Variants in ABLIM3 observed in about 807,000 individuals in gnomAD.
ABLIM3 encodes the protein actin-binding LIM protein 3.
Under a neutral mutation model 109.5 loss-of-function variants are expected in ABLIM3, and 61 were observed. The observed-to-expected ratio is 0.56, with a 90% confidence interval of 0.45 to 0.69. The LOEUF (loss-of-function observed/expected upper bound fraction) is 0.69, where lower values mean the gene tolerates loss of function less well. Ranked by LOEUF, ABLIM3 falls within the 30% of genes least tolerant of loss-of-function variation. ABLIM3 has a pLI of 0.00. For synonymous variants in ABLIM3, 300 were observed against 324.8 expected, an observed-to-expected ratio of 0.92 and a Z score of 0.82; for missense variants, 796 against 889.5, an observed-to-expected ratio of 0.89 and a Z score of 1.34.
At chr5:149,165,338 A>C (rs921401342) in intron 2 of ABLIM3, among the ~76,000 whole-genome samples, 4 of 152,176 alleles carry the variant, frequency 2.6e-5, no homozygotes, top group African/African-American at 9.7e-5. Context: ...TTTGTATATA[A>C]ATTTTTATTG....
chr5:149,246,422 C>G, intron 16 of ABLIM3, 60 bp from the exon 17 acceptor site: 1 of 1,529,802 alleles, frequency 6.5e-7, no homozygotes, highest in South Asian at 1.2e-5. Context: ...AAAAAAAATG[C>G]CTTAAGCCAG....
In ABLIM3 at chr5:149,216,977, C is replaced by A. The variant is rs770667119; in HGVS notation, c.688C>A (p.His230Asn). 4 of 1,614,168 alleles carry A rather than the reference C, an allele frequency of 2.5e-6. No homozygotes were observed. Among genetic ancestry groups the A allele is most frequent in the Non-Finnish European group, 8.5e-7 (1 of 1,180,016 alleles). ...TCCATAGGCAGGAGGGAAGCACTACCACCCAACCTGTGCCAGGTGTGTACG... is the reference window on the plus strand; with the variant it reads ...TCCATAGGCAGGAGGGAAGCACTACAACCCAACCTGTGCCAGGTGTGTACG... The part of the protein sequence containing the change: ...RVLEAGGKHY[H>N]PTCARCVRCH... The change falls in exon 8 of 24, where the codon CAC (histidine) becomes AAC (asparagine). Residue 230 changes from histidine (H) to asparagine (N), a missense_variant. Coordinates refer to ENST00000309868, the MANE Select transcript of ABLIM3 (RefSeq NM_014945.5).
At chr5:149,168,065 A>C (rs1754988165) in intron 2 of ABLIM3, among the ~76,000 whole-genome samples, 1 of 152,204 alleles carries the variant, frequency 6.6e-6, no homozygotes, top group Non-Finnish European at 1.5e-5. Flanking sequence ...GCACACATAC[A>C]CACACACCAT....
chr5:149,250,523 A>C lies in ABLIM3; in HGVS notation c.1788+18A>C, dbSNP rs1433148021. On this transcript the variant is annotated intron_variant, in intron 20 of 23. Transcript: ENST00000309868. ...TGCACAGGGTAAGAAGCTGTGCTGG[A>C]GGATGGGGGAGGACGTTGTCCCCAA... 1 of 1,614,018 alleles carries C rather than the reference A, an allele frequency of 6.2e-7. No individual in the cohort carries two copies. Among genetic ancestry groups the C allele is most frequent in the South Asian group, 1.1e-5 (1 of 91,076 alleles).
At chr5:149,226,517 C>T (rs756493671) in intron 8 of ABLIM3, among the ~76,000 whole-genome samples, 5 of 152,004 alleles carry the variant, frequency 3.3e-5, no homozygotes, top group South Asian at 4.1e-4. Flanking sequence ...GGAAACCTGC[C>T]GTAAGAGAAT....
intron 3 of ABLIM3, among the ~76,000 whole-genome samples, chr5:149,186,285 G>A (rs1190008219): frequency 1.3e-5 from 2 of 152,010 alleles, no homozygotes; most frequent in African/African-American, 2.4e-5. Context: ...GTGGTGGCAG[G>A]TGCCTGTAGT....
At chr5:149,245,291 G>A (rs1052854381) in intron 16 of ABLIM3, among the ~76,000 whole-genome samples, 1 of 152,218 alleles carries the variant, frequency 6.6e-6, no homozygotes, top group South Asian at 2.1e-4. Flanking sequence ...GAAGGTAGGA[G>A]AGCTGATGGC....
At chr5:149,153,123 T>C (rs1037699657) in intron 2 of ABLIM3, among the ~76,000 whole-genome samples, 2 of 152,180 alleles carry the variant, frequency 1.3e-5, no homozygotes, top group Non-Finnish European at 2.9e-5. Context: ...GTCATCTTTC[T>C]GATCATCTGC....
Position 149,183,514 on chromosome 5 carries a change from T to C in ABLIM3, c.76T>C (p.Cys26Arg). 6.2e-7 allele frequency: 1 copy of C among 1,601,206 alleles called. No individual in the cohort carries two copies. The highest frequency in any genetic ancestry group is 8.5e-7 in the Non-Finnish European group (1 of 1,174,290). The part of the protein sequence containing the change: ...GSSNVIQCYR[C>R]GDTCKGEVVR... ...CTCCAATGTCATCCAGTGCTACCGC[T>C]GTGGAGACACCTGCAAAGGGGAAGT... The change falls in exon 3 of 24, where the codon TGT (cysteine) becomes CGT (arginine). Residue 26 changes from cysteine (C) to arginine (R), a missense_variant. Physicochemically the swap from Cys to Arg is radical, Grantham distance 180 (BLOSUM62 -3). Transcript: ENST00000309868.
chr5:149,240,510 G>A (rs1270019418), intron 13 of ABLIM3, 166 bp from the exon 14 acceptor site: 2 of 619,638 alleles, frequency 3.2e-6, no homozygotes, highest in East Asian at 2.7e-5. Flanking sequence ...CGTGGTGCAT[G>A]AGAGCACATG....
intron 5 of ABLIM3, among the ~76,000 whole-genome samples, chr5:149,205,760 C>G (rs546144999): frequency 1.0e-3 from 155 of 152,252 alleles, no homozygotes; most frequent in Non-Finnish European, 1.8e-3. Flanking sequence ...CTTTCTGCCC[C>G]CAACTTGTAC....
At chr5:149,149,051 A>G (rs1368810144) in intron 2 of ABLIM3, among the ~76,000 whole-genome samples, 1 of 152,242 alleles carries the variant, frequency 6.6e-6, no homozygotes, top group African/African-American at 2.4e-5. Context: ...ACTTTTTTAG[A>G]GTAGACTTTG....
intron 8 of ABLIM3, 90 bp from the exon 9 acceptor site, chr5:149,230,559 G>A (rs17722862): frequency 8.5e-6 from 12 of 1,406,510 alleles, no homozygotes; most frequent in East Asian, 4.6e-5. Flanking sequence ...AGGGACATAC[G>A]CTGACCACGG....
Position 149,243,015 on chromosome 5 carries a change from T to C in ABLIM3, c.1351+477T>C, listed in dbSNP as rs182903235. Among the ~76,000 whole-genome samples the C allele has an allele frequency of 3.3e-5, 5 of 152,344 alleles. No homozygotes were observed. The East Asian group carries it at 9.7e-4, about 29-fold the overall frequency. On this transcript the variant is annotated intron_variant, in intron 15 of 23. Coordinates refer to ENST00000309868, the MANE Select transcript of ABLIM3 (RefSeq NM_014945.5). Reference sequence around the variant, plus strand: ...CTTGGGAACCCCTGCTGTAAGTTGTTCTCAGTCACAGTCTCCTGAGAGTGG... The same window carrying C: ...CTTGGGAACCCCTGCTGTAAGTTGTCCTCAGTCACAGTCTCCTGAGAGTGG...
chr5:149,250,267 A>G (rs116365873), intron 19 of ABLIM3, among the ~76,000 whole-genome samples, 180 bp from the exon 20 acceptor site: 181 of 152,274 alleles, frequency 1.2e-3, no homozygotes, highest in African/African-American at 4.2e-3. Context: ...CTAGAGTGAA[A>G]TGCCCCCAGA....
At chr5:149,151,646 C>T (rs1254519922) in intron 2 of ABLIM3, among the ~76,000 whole-genome samples, 1 of 152,206 alleles carries the variant, frequency 6.6e-6, no homozygotes, top group Non-Finnish European at 1.5e-5. Flanking sequence ...GGGAAGTGCT[C>T]TTACATAGGA....
At chr5:149,144,032 G>A (rs773081003) in intron 2 of ABLIM3, among the ~76,000 whole-genome samples, 2 of 152,054 alleles carry the variant, frequency 1.3e-5, no homozygotes, top group African/African-American at 4.8e-5. Flanking sequence ...GTAACACTGA[G>A]TATTCCTGAA....
In ABLIM3 at chr5:149,233,448, G is replaced by C. The variant is rs753577866; in HGVS notation, c.888+148G>C. 6 of 831,300 alleles carry C rather than the reference G, an allele frequency of 7.2e-6. No individual in the cohort carries two copies. The South Asian group carries it at 9.5e-5, about 13-fold the overall frequency. 51.5% of individuals were successfully genotyped at this position (831,300 alleles called of 1,614,324 possible). On this transcript the variant is annotated intron_variant, in intron 10 of 23. Coordinates refer to ENST00000309868, the MANE Select transcript of ABLIM3 (RefSeq NM_014945.5). ...TGTGCTAGGCTCTGTACCAGGTCTT[G>C]AGGATCCAGTGGGGTACAGGGAGGA...
rs186510983 is a variant in ABLIM3, at chr5:149,238,169, A to C, written c.1044+566A>C. On this transcript the variant is annotated intron_variant, in intron 11 of 23. Transcript: ENST00000309868. The stretch of plus-strand genomic sequence containing the variant: ...GTAACAGATAGCTTTTGAAATCATT[A>C]AATGGTTGCTAAACAAGAGAAAGTG... 9.1e-4 allele frequency among the ~76,000 whole-genome samples: 139 copies of C among 152,280 alleles called. 5 individuals are homozygous for C. In the South Asian group the frequency reaches 0.024, roughly 26 times the overall value.
Sources: allele counts gnomAD v4.1 joint callset (sites outside exome capture counted in the v4.1 genomes callset), GRCh38; gene constraint gnomAD v4.1.1; transcripts MANE v1.5; gene names NCBI Gene and HGNC (gene_info 2026-07-23, HGNC 2026-07-21).